The following MFSD1 variants were observed in gnomAD, a reference collection of about 807,000 sequenced individuals.
MFSD1 encodes major facilitator superfamily domain containing 1, also known as lysosomal dipeptide transporter MFSD1.
A neutral mutation model predicts 67.1 loss-of-function variants in MFSD1; 59 were observed. The observed-to-expected ratio is 0.88, with a 90% CI of 0.71 to 1.09. MFSD1 has a LOEUF of 1.09. Among genes scored for constraint, MFSD1 ranks in the 50% least tolerant of loss-of-function variants. MFSD1 has a pLI of 0.00. For synonymous variants in MFSD1, 213 were observed against 200.3 expected, an observed-to-expected ratio of 1.06 and a Z score of -0.54; for missense variants, 552 against 566.1, an observed-to-expected ratio of 0.97 and a Z score of 0.25.
At chr3:158,827,616 A>G (rs1015127338) in intron 15 of MFSD1, among the ~76,000 whole-genome samples, 1 of 151,788 alleles carries the variant, frequency 6.6e-6, no homozygotes, top group African/African-American at 2.4e-5. Flanking sequence ...GGGTTTTGCC[A>G]TGTTGCCCAG....
Position 158,829,097 on chromosome 3 carries a change from T to C in MFSD1, c.*115T>C. 2 of 971,038 alleles carry C rather than the reference T, an allele frequency of 2.1e-6. No individual in the cohort carries two copies. Among genetic ancestry groups the C allele is most frequent in the Non-Finnish European group, 3.0e-6 (2 of 657,408 alleles). The allele number at this position is 971,038 out of a possible 1,614,324, so 60.2% of individuals were successfully genotyped here. A position where few individuals can be genotyped will look rare whatever the true frequency, so the allele number is the denominator to read the frequency against. On this transcript the variant is annotated 3_prime_UTR_variant, in exon 16 of 16. Transcript: ENST00000415822. ...GAAAAAATAATGGACTGGAAAGTTA[T>C]ATTTATATCCAAATATACCTATTTC...
intron 6 of MFSD1, 79 bp from the exon 7 acceptor site, chr3:158,813,886 C>G: frequency 1.0e-6 from 1 of 962,530 alleles, no homozygotes; most frequent in African/African-American, 1.7e-5. Flanking sequence ...TTCTGAGCCA[C>G]CTCAAATCCC....
chr3:158,807,227 C>A, intron 4 of MFSD1, 145 bp downstream of exon 4: 2 of 946,818 alleles, frequency 2.1e-6, no homozygotes, highest in Non-Finnish European at 3.3e-6. Context: ...AATCCATAGT[C>A]TATTTTAAGC....
At chr3:158,825,636 T>G (rs1245160232) in intron 13 of MFSD1, among the ~76,000 whole-genome samples, 1 of 152,204 alleles carries the variant, frequency 6.6e-6, no homozygotes, top group East Asian at 1.9e-4. Context: ...AAAAGACTAC[T>G]ATTTGGCTTC....
intron 1 of MFSD1, among the ~76,000 whole-genome samples, chr3:158,803,401 T>A (rs890782360): frequency 3.3e-5 from 5 of 152,022 alleles, no homozygotes; most frequent in African/African-American, 1.2e-4. Context: ...TCCATTAGCT[T>A]TAAAGCAGGA....
intron 7 of MFSD1, 34 bp downstream of exon 7, chr3:158,814,101 T>A (rs762703162): frequency 4.6e-6 from 7 of 1,513,162 alleles, no homozygotes; most frequent in Middle Eastern, 3.4e-4. Context: ...TCTCTCCTCT[T>A]CTGAAGGCTT....
intron 7 of MFSD1, among the ~76,000 whole-genome samples, chr3:158,819,272 T>G (rs1027269443): frequency 2.0e-5 from 3 of 152,172 alleles, no homozygotes; most frequent in Non-Finnish European, 4.4e-5. Flanking sequence ...GCTTCATCAT[T>G]TTTTCCCTGG....
chr3:158,822,357 C>T (rs372437762), intron 11 of MFSD1: 2 of 313,564 alleles, frequency 6.4e-6, no homozygotes, highest in East Asian at 1.0e-4. Context: ...ATTTATTTAA[C>T]CAGTTAACTT....
intron 6 of MFSD1, among the ~76,000 whole-genome samples, chr3:158,809,875 A>G (rs1438595114): frequency 2.0e-5 from 3 of 152,216 alleles, no homozygotes; most frequent in Non-Finnish European, 4.4e-5. Flanking sequence ...GCCATATGAC[A>G]TGGATCTCAG....
intron 12 of MFSD1, 58 bp from the exon 13 acceptor site, chr3:158,824,066 A>C (rs1576915370): frequency 8.7e-7 from 1 of 1,145,118 alleles, no homozygotes; most frequent in East Asian, 2.3e-5. Context: ...GTGAAGTGTT[A>C]GCCTATGTGT....
chr3:158,819,752 G>C lies in MFSD1; in HGVS notation c.751+5G>C, dbSNP rs750135953. 6.5e-7 allele frequency: 1 copy of C among 1,549,964 alleles called. No individual in the cohort carries two copies. The highest frequency in any genetic ancestry group is 2.3e-5 in the East Asian group (1 of 44,348). On this transcript the variant is annotated splice_donor_5th_base_variant and intron_variant, in intron 8 of 15. Transcript: ENST00000415822. ...ATAAAGAACAAGGAAAAACAGGTAA[G>C]TCTAAATGAAAGAATGGGACTTAGG... is the stretch of plus-strand genomic sequence containing the variant.
intron 7 of MFSD1, among the ~76,000 whole-genome samples, chr3:158,815,735 G>A (rs1730294967): frequency 6.6e-6 from 1 of 150,990 alleles, no homozygotes; most frequent in African/African-American, 2.4e-5. Flanking sequence ...CATGTGCCAT[G>A]CTGGTGTGCT....
At chr3:158,828,596 G>A (rs1731133093) in intron 15 of MFSD1, among the ~76,000 whole-genome samples, 1 of 151,990 alleles carries the variant, frequency 6.6e-6, no homozygotes, top group African/African-American at 2.4e-5. Context: ...TGTCATAGAT[G>A]CTTAACATGC....
chr3:158,805,223 T>C, intron 2 of MFSD1, 139 bp from the exon 3 acceptor site: 2 of 704,668 alleles, frequency 2.8e-6, no homozygotes, highest in South Asian at 3.2e-5. Context: ...TTAGTGAGAC[T>C]TATAAATGGT....
At position 158,818,161 on chromosome 3, in the gene MFSD1, A is replaced by G. The variant is rs140848170; in HGVS notation, c.653-1488A>G. Among the ~76,000 whole-genome samples the G allele has an allele frequency of 5.1e-3, 769 of 152,230 alleles. 4 individuals carry two copies. Among genetic ancestry groups the G allele is most frequent in the African/African-American group, 0.017 (703 of 41,524 alleles). ...GCAGGGCTGTAGAGAGACCTGTGTG[A>G]TGATAGGGTGAAAGTTCTGTGCCCA... is the stretch of plus-strand genomic sequence containing the variant. On this transcript the variant is annotated intron_variant, in intron 7 of 15. Transcript: ENST00000415822.
intron 13 of MFSD1, among the ~76,000 whole-genome samples, chr3:158,825,735 G>A (rs948794747): frequency 6.6e-6 from 1 of 152,218 alleles, no homozygotes; most frequent in African/African-American, 2.4e-5. Flanking sequence ...GGAAAGAGGG[G>A]CAGGGCTGGG....
chr3:158,824,096 A>G (rs1398328494), intron 12 of MFSD1, 28 bp from the exon 13 acceptor site: 6 of 1,514,012 alleles, frequency 4.0e-6, no homozygotes, highest in Middle Eastern at 3.4e-4. Flanking sequence ...TGAAAATGAA[A>G]TGTGTCTTTA....
chr3:158,802,398 G>A (rs1729502934), intron 1 of MFSD1, 83 bp downstream of exon 1: 2 of 1,467,438 alleles, frequency 1.4e-6, no homozygotes, highest in Non-Finnish European at 9.5e-7. Context: ...GTGGTCACTG[G>A]TGCCACGGGG....
intron 5 of MFSD1, among the ~76,000 whole-genome samples, chr3:158,807,932 C>T (rs1332449632): frequency 6.6e-6 from 1 of 152,192 alleles, no homozygotes; most frequent in Non-Finnish European, 1.5e-5. Flanking sequence ...GTTGTTCTAC[C>T]TGAATTGCAT....
Sources: gnomAD v4.1 joint callset for allele counts (sites outside exome capture counted in the v4.1 genomes callset) on GRCh38, gnomAD v4.1.1 for gene constraint, MANE v1.5 for transcripts, NCBI Gene and HGNC (gene_info 2026-07-23, HGNC 2026-07-21) for gene names.